PTK2: variants seen among roughly 807,000 people sequenced by gnomAD.
PTK2 encodes focal adhesion kinase 1.
A neutral mutation model predicts 150.1 loss-of-function variants in PTK2; 45 were observed. The ratio of observed to expected loss-of-function variants is 0.30; its 90% CI spans 0.24 to 0.38. The LOEUF (loss-of-function observed/expected upper bound fraction) is 0.38, where lower values mean the gene tolerates loss of function less well. Ranked by LOEUF, PTK2 falls within the 10% of genes least tolerant of loss-of-function variation. The probability of loss-of-function intolerance (pLI) is 1.00; values close to 1 mark genes in which losing one functional copy is unlikely to be tolerated. For synonymous variants in PTK2, 432 were observed against 449.2 expected, an observed-to-expected ratio of 0.96 and a Z score of 0.48; for missense variants, 919 against 1,307.3, an observed-to-expected ratio of 0.70 and a Z score of 4.58.
intron 21 of PTK2, among the ~76,000 whole-genome samples, chr8:140,736,527 C>CAAAAAA (rs113241429): frequency 7.0e-6 from 1 of 143,304 alleles, no homozygotes. Context: ...ATCTAAAATT[C>CAAAAAA]AAAAAAAAAA....
chr8:140,684,783 C>G (rs2153678601), intron 27 of PTK2, among the ~76,000 whole-genome samples: 1 of 152,186 alleles, frequency 6.6e-6, no homozygotes, highest in African/African-American at 2.4e-5. Context: ...GGTCATACCG[C>G]CCAAAGTATG....
At chr8:140,660,247 A>G (rs1490044747) in intron 31 of PTK2, among the ~76,000 whole-genome samples, 1 of 152,170 alleles carries the variant, frequency 6.6e-6, no homozygotes, top group Non-Finnish European at 1.5e-5. Context: ...AACTTCAGAG[A>G]TCATCTATTC....
chr8:140,920,990 G>A (rs1263589500), intron 2 of PTK2: 27 of 1,310,884 alleles, frequency 2.1e-5, no homozygotes, highest in East Asian at 1.8e-4. Flanking sequence ...TATTTGCTTC[G>A]ATCCACAAGC....
intron 22 of PTK2, among the ~76,000 whole-genome samples, chr8:140,722,163 G>A (rs1382423535): frequency 6.6e-6 from 1 of 152,174 alleles, no homozygotes; most frequent in Non-Finnish European, 1.5e-5. Flanking sequence ...AAAGAGACAG[G>A]GTTTCGCTAT....
chr8:140,895,244 T>C (rs746971759), intron 2 of PTK2, among the ~76,000 whole-genome samples: 59 of 152,132 alleles, frequency 3.9e-4, no homozygotes, highest in Non-Finnish European at 2.4e-4. Context: ...ATCTATACAT[T>C]TGGCAGGGCA....
intron 23 of PTK2, among the ~76,000 whole-genome samples, chr8:140,706,501 A>G (rs2100033879): frequency 6.6e-6 from 1 of 152,200 alleles, no homozygotes; most frequent in Non-Finnish European, 1.5e-5. Context: ...GATTCTTAGA[A>G]GAAAACTTAA....
chr8:140,928,894 T>A (rs1337004368), intron 1 of PTK2, among the ~76,000 whole-genome samples: 1 of 151,404 alleles, frequency 6.6e-6, no homozygotes, highest in Non-Finnish European at 1.5e-5. Flanking sequence ...ACTGGAACAG[T>A]AAGTACACTT....
intron 20 of PTK2, among the ~76,000 whole-genome samples, chr8:140,740,829 T>C (rs2100055233): frequency 6.6e-6 from 1 of 152,248 alleles, no homozygotes; most frequent in Non-Finnish European, 1.5e-5. Flanking sequence ...TCTTTTCATA[T>C]ATCAAAGGAT....
At chr8:140,717,320 C>A (rs1288095305) in intron 23 of PTK2, among the ~76,000 whole-genome samples, 1 of 152,176 alleles carries the variant, frequency 6.6e-6, no homozygotes, top group Non-Finnish European at 1.5e-5. Flanking sequence ...AAAACCTCCT[C>A]CAAGTTAGGG....
rs183171425 is a variant in PTK2 at position 140,850,223 on chromosome 8, C to T, written c.451-3545G>A. Among the ~76,000 whole-genome samples the T allele has an allele frequency of 8.7e-4, 132 of 151,896 alleles. 1 individual carries two copies. The highest frequency in any genetic ancestry group is 3.1e-3 in the African/African-American group (128 of 41,406). On this transcript the variant is annotated intron_variant, in intron 5 of 31. Transcript: ENST00000522684. ...GGTGGATCACCTGAGGTCAGGAGTT[C>T]GAGACCAGCCTGGCCAACATGGTGA...
At chr8:140,996,674 A>C (rs770984374) in intron 1 of PTK2, among the ~76,000 whole-genome samples, 1 of 152,230 alleles carries the variant, frequency 6.6e-6, no homozygotes, top group Admixed American at 6.5e-5. Context: ...CCTGGATGAT[A>C]GCATATCTGT....
At chr8:140,768,440 C>T (rs1432051408) in intron 14 of PTK2, among the ~76,000 whole-genome samples, 1 of 152,186 alleles carries the variant, frequency 6.6e-6, no homozygotes, top group African/African-American at 2.4e-5. Context: ...CTCACAACAA[C>T]CACTTGAGAC....
intron 7 of PTK2, among the ~76,000 whole-genome samples, chr8:140,837,566 T>C (rs1195266741): frequency 1.3e-5 from 2 of 151,316 alleles, no homozygotes; most frequent in Non-Finnish European, 2.9e-5. Flanking sequence ...CCATCGCTAC[T>C]AAAAATAAAA....
chr8:140,803,748 TCCTC>T (rs1226591236), intron 10 of PTK2, 98 bp from the exon 11 acceptor site: 1 of 1,134,232 alleles, frequency 8.8e-7, no homozygotes, highest in Non-Finnish European at 1.3e-6. Context: ...CCTGAAGACA[TCCTC>T]CCTAAGACTG....
At chr8:140,679,319 C>T (rs1589707140) in intron 27 of PTK2, among the ~76,000 whole-genome samples, 1 of 152,200 alleles carries the variant, frequency 6.6e-6, no homozygotes. Context: ...GCCACCGCGC[C>T]TGGCCCCATG....
chr8:140,980,197 G>A (rs2100190885), intron 1 of PTK2, among the ~76,000 whole-genome samples: 1 of 152,196 alleles, frequency 6.6e-6, no homozygotes, highest in African/African-American at 2.4e-5. Flanking sequence ...ATCAATTGTA[G>A]GCTAGATTAC....
intron 14 of PTK2, among the ~76,000 whole-genome samples, chr8:140,777,915 C>T (rs2100079359): frequency 6.6e-6 from 1 of 152,190 alleles, no homozygotes; most frequent in African/African-American, 2.4e-5. Flanking sequence ...TATACCCAAT[C>T]ACTTTTTCCC....
chr8:140,735,793 G>A (rs893338440), intron 21 of PTK2, among the ~76,000 whole-genome samples: 4 of 152,108 alleles, frequency 2.6e-5, no homozygotes, highest in African/African-American at 4.8e-5. Flanking sequence ...ATTTTAATCC[G>A]CCCCACTTTG....
intron 17 of PTK2, among the ~76,000 whole-genome samples, chr8:140,748,098 T>A (rs2100060505): frequency 6.6e-6 from 1 of 152,098 alleles, no homozygotes; most frequent in Non-Finnish European, 1.5e-5. Flanking sequence ...CCACAACCCA[T>A]GGGGCACTCA....
Sources: allele counts gnomAD v4.1 joint callset (sites outside exome capture counted in the v4.1 genomes callset), GRCh38; gene constraint gnomAD v4.1.1; transcripts MANE v1.5; gene names NCBI Gene and HGNC (gene_info 2026-07-23, HGNC 2026-07-21).